SLC24A2: variants seen among roughly 807,000 people sequenced by gnomAD.
The protein encoded by SLC24A2 is sodium/potassium/calcium exchanger 2.
Under a neutral mutation model 62.0 loss-of-function variants are expected in SLC24A2, and 36 were observed. That is an observed-to-expected ratio of 0.58 (90% CI 0.44 to 0.77). The LOEUF (loss-of-function observed/expected upper bound fraction) is 0.77, where lower values mean the gene tolerates loss of function less well. SLC24A2 is among the 30% of genes least tolerant of loss of function. The pLI, the probability that SLC24A2 is intolerant of heterozygous loss-of-function variation, is 0.00. For synonymous variants in SLC24A2, 358 were observed against 294.0 expected, an observed-to-expected ratio of 1.22 and a Z score of -2.23; for missense variants, 846 against 817.9, an observed-to-expected ratio of 1.03 and a Z score of -0.42.
chr9:19,641,134 G>A (rs1488650575), intron 2 of SLC24A2, among the ~76,000 whole-genome samples: 1 of 152,186 alleles, frequency 6.6e-6, no homozygotes, highest in Non-Finnish European at 1.5e-5. Flanking sequence ...ATGTAAAGAT[G>A]GTGGCCACTT....
the SLC24A2 span, among the ~76,000 whole-genome samples, chr9:20,112,014 A>G: frequency 2.0e-5 from 3 of 152,214 alleles, no homozygotes; most frequent in African/African-American, 7.2e-5. Flanking sequence ...AATAATAACT[A>G]GGTCCACCTA....
At chr9:20,061,479 G>A in the SLC24A2 span, among the ~76,000 whole-genome samples, 1 of 152,004 alleles carries the variant, frequency 6.6e-6, no homozygotes, top group Non-Finnish European at 1.5e-5. Flanking sequence ...TAGAGATGGG[G>A]TTTCACCATT....
At chr9:19,956,528 C>G in the SLC24A2 span, among the ~76,000 whole-genome samples, 2 of 152,132 alleles carry the variant, frequency 1.3e-5, no homozygotes, top group African/African-American at 2.4e-5. Context: ...AATGGACTTA[C>G]AGTTCCACGT....
the SLC24A2 span, among the ~76,000 whole-genome samples, chr9:20,055,880 C>A: frequency 6.6e-6 from 1 of 152,016 alleles, no homozygotes; most frequent in African/African-American, 2.4e-5. Context: ...CAGAGTGAGA[C>A]TCTGTCTCCA....
At chr9:19,773,070 C>T (rs867834151) in intron 2 of SLC24A2, among the ~76,000 whole-genome samples, 67 of 152,144 alleles carry the variant, frequency 4.4e-4, no homozygotes, top group African/African-American at 1.5e-3. Context: ...CAAAAAGCCA[C>T]ATATTATATA....
At chr9:19,517,796 G>T (rs1832999318) in intron 10 of SLC24A2, among the ~76,000 whole-genome samples, 2 of 152,016 alleles carry the variant, frequency 1.3e-5, no homozygotes, top group South Asian at 4.1e-4. Flanking sequence ...TGGAAGGGGA[G>T]TGCCTGAGAG....
chr9:19,628,918 G>A (rs1818103224), intron 2 of SLC24A2, among the ~76,000 whole-genome samples: 1 of 152,234 alleles, frequency 6.6e-6, no homozygotes, highest in South Asian at 2.1e-4. Context: ...GCCCTGCGAG[G>A]TGCGGGTTGG....
chr9:19,761,788 A>G (rs1822339986), intron 2 of SLC24A2, among the ~76,000 whole-genome samples: 1 of 152,164 alleles, frequency 6.6e-6, no homozygotes, highest in Non-Finnish European at 1.5e-5. Context: ...AGCTTCATCC[A>G]CGTCCCTACA....
the SLC24A2 span, among the ~76,000 whole-genome samples, chr9:20,249,823 T>C: frequency 1.3e-5 from 2 of 150,840 alleles, no homozygotes; most frequent in African/African-American, 2.5e-5. Context: ...GAGGAAGGAG[T>C]GGTCACAGCA....
At chr9:20,251,573 A>G in the SLC24A2 span, among the ~76,000 whole-genome samples, 2 of 152,208 alleles carry the variant, frequency 1.3e-5, no homozygotes, top group African/African-American at 4.8e-5. Flanking sequence ...TTTCACAAAG[A>G]GAAAGCGTTA....
At chr9:20,281,264 C>T in the SLC24A2 span, among the ~76,000 whole-genome samples, 2 of 152,286 alleles carry the variant, frequency 1.3e-5, no homozygotes, top group East Asian at 3.9e-4. Context: ...ATAACTACAA[C>T]AGCACTCTTT....
the SLC24A2 span, among the ~76,000 whole-genome samples, chr9:19,935,612 G>GGCTTCTTGT: frequency 6.6e-6 from 1 of 152,214 alleles, no homozygotes; most frequent in Admixed American, 6.5e-5. Context: ...CTCAGGACGA[G>GGCTTCTTGT]GCTTCTTGTC....
chr9:20,206,724 T>C, the SLC24A2 span, among the ~76,000 whole-genome samples: 21,107 of 152,008 alleles, frequency 0.14, 1,704 homozygotes, highest in African/African-American at 0.21. Context: ...CATGATCTGC[T>C]CGCCTCAGCC....
chr9:19,557,845 C>G (rs1465586529), intron 7 of SLC24A2, among the ~76,000 whole-genome samples: 1 of 147,264 alleles, frequency 6.8e-6, no homozygotes, highest in Non-Finnish European at 1.5e-5. Context: ...GGGTCTCACT[C>G]TGTCACCTAG....
the SLC24A2 span, among the ~76,000 whole-genome samples, chr9:20,054,305 T>A: frequency 6.6e-6 from 1 of 151,892 alleles, no homozygotes; most frequent in Admixed American, 6.6e-5. Flanking sequence ...GATTCTCCTG[T>A]CTCAGCCTCC....
the SLC24A2 span, among the ~76,000 whole-genome samples, chr9:19,922,974 TC>T: frequency 6.7e-6 from 1 of 149,516 alleles, no homozygotes; most frequent in Non-Finnish European, 1.5e-5. Context: ...ATGAATATAT[TC>T]CTGTTATATA....
the SLC24A2 span, among the ~76,000 whole-genome samples, chr9:20,109,652 A>G: frequency 2.0e-5 from 3 of 152,056 alleles, no homozygotes; most frequent in Non-Finnish European, 2.9e-5. Context: ...ACTTTTGGAA[A>G]CTTGCTCCTG....
chr9:20,272,270 C>T, the SLC24A2 span, among the ~76,000 whole-genome samples: 1 of 152,194 alleles, frequency 6.6e-6, no homozygotes, highest in Non-Finnish European at 1.5e-5. Context: ...GTATAGCAAA[C>T]ATCAAGATGC....
intron 2 of SLC24A2, among the ~76,000 whole-genome samples, chr9:19,679,052 C>G (rs1819637149): frequency 6.6e-6 from 1 of 152,172 alleles, no homozygotes; most frequent in Non-Finnish European, 1.5e-5. Context: ...CTGATACCCT[C>G]AAGATGAGAA....
Sources: allele counts gnomAD v4.1 joint callset (sites outside exome capture counted in the v4.1 genomes callset), GRCh38; gene constraint gnomAD v4.1.1; transcripts MANE v1.5; gene names NCBI Gene and HGNC (gene_info 2026-07-23, HGNC 2026-07-21).